SLC9C1: variants seen among roughly 807,000 people sequenced by gnomAD.
SLC9C1 encodes the protein solute carrier family 9 member C1, also known as sodium/hydrogen exchanger 10.
A neutral mutation model predicts 140.9 loss-of-function variants in SLC9C1; 97 were observed. The observed-to-expected ratio is 0.69, with a 90% CI of 0.58 to 0.82. SLC9C1 has a LOEUF of 0.82. Ranked by LOEUF, SLC9C1 falls within the 40% of genes least tolerant of loss-of-function variation. The probability of loss-of-function intolerance (pLI) is 0.00; values close to 1 mark genes in which losing one functional copy is unlikely to be tolerated. For synonymous variants in SLC9C1, 440 were observed against 442.6 expected (o/e 0.99, Z 0.07); for missense variants, 1,340 against 1,389.3 (o/e 0.96, Z 0.56).
At position 112,275,142 on chromosome 3, in the gene SLC9C1, G is replaced by C. The variant is rs2080181433; in HGVS notation, c.485-117C>G. ...GGATGGTCTTAGCTATGGATTTACT[G>C]TAAGTTAAGTTTAGACAATCATAAT... is the stretch of plus-strand genomic sequence containing the variant. On this transcript the variant is annotated intron_variant, in intron 5 of 28. Coordinates refer to ENST00000305815, the MANE Select transcript of SLC9C1 (RefSeq NM_183061.3). The C allele has an allele frequency of 2.8e-6, 3 of 1,056,540 alleles. No homozygotes were observed. In the East Asian group the frequency reaches 1.0e-4, roughly 37 times the overall value. The allele number at this position is 1,056,540 out of a possible 1,614,324, so 65.4% of individuals were successfully genotyped here.
intron 23 of SLC9C1, among the ~76,000 whole-genome samples, chr3:112,175,765 C>G (rs1019861628): frequency 6.6e-6 from 1 of 152,202 alleles, no homozygotes; most frequent in Non-Finnish European, 1.5e-5. Context: ...AGGGACTGCT[C>G]TAGTCCCTCA....
At chr3:112,283,477 T>TAA (rs200690332) in intron 2 of SLC9C1, among the ~76,000 whole-genome samples, 853 of 80,530 alleles carry the variant, frequency 0.011, 12 homozygotes, top group African/African-American at 0.032. Context: ...ACCCTATCTC[T>TAA]AAAAAAAAAA....
At chr3:112,287,855 G>A (rs1292509197) in intron 1 of SLC9C1, among the ~76,000 whole-genome samples, 3 of 151,934 alleles carry the variant, frequency 2.0e-5, no homozygotes, top group Non-Finnish European at 4.4e-5. Flanking sequence ...AGACCATCCT[G>A]GTATGGTGAA....
chr3:112,230,875 G>C (rs551668568), intron 13 of SLC9C1, among the ~76,000 whole-genome samples: 3 of 152,204 alleles, frequency 2.0e-5, no homozygotes, highest in Admixed American at 2.0e-4. Flanking sequence ...GCTAATATTT[G>C]AATGAAAACA....
intron 28 of SLC9C1, among the ~76,000 whole-genome samples, chr3:112,142,673 G>T (rs745999620): frequency 5.9e-5 from 9 of 152,108 alleles, no homozygotes; most frequent in Non-Finnish European, 1.2e-4. Flanking sequence ...ACAAAAAAGA[G>T]AATATCTTCT....
intron 3 of SLC9C1, 93 bp downstream of exon 3, chr3:112,280,590 G>T (rs1279769838): frequency 2.0e-6 from 2 of 982,276 alleles, no homozygotes; most frequent in Non-Finnish European, 3.0e-6. Flanking sequence ...AGAACAGTGA[G>T]GGGATGAATA....
At chr3:112,197,421 A>G (rs939499119) in intron 20 of SLC9C1, among the ~76,000 whole-genome samples, 2 of 152,132 alleles carry the variant, frequency 1.3e-5, no homozygotes, top group African/African-American at 4.8e-5. Flanking sequence ...GTACAGATGC[A>G]AGATATTTAG....
chr3:112,215,679 C>A (rs1036481926), intron 15 of SLC9C1, among the ~76,000 whole-genome samples: 1 of 152,190 alleles, frequency 6.6e-6, no homozygotes, highest in Non-Finnish European at 1.5e-5. Context: ...AGAAGAACTA[C>A]AAACCACTGC....
chr3:112,277,907 C>A (rs567941601), intron 4 of SLC9C1, 47 bp from the exon 5 acceptor site: 2 of 1,452,044 alleles, frequency 1.4e-6, no homozygotes, highest in South Asian at 1.3e-5. Context: ...CTTTTGTAGT[C>A]CATTTTAAGA....
chr3:112,219,914 A>G (rs1338293038), intron 14 of SLC9C1, among the ~76,000 whole-genome samples: 1 of 152,156 alleles, frequency 6.6e-6, no homozygotes, highest in Non-Finnish European at 1.5e-5. Flanking sequence ...AAATATATTA[A>G]TGATGCTTTT....
At chr3:112,271,404 T>C (rs1456676351) in intron 6 of SLC9C1, among the ~76,000 whole-genome samples, 3 of 149,166 alleles carry the variant, frequency 2.0e-5, no homozygotes, top group African/African-American at 7.3e-5. Context: ...TATATATATA[T>C]ATATATCAAA....
chr3:112,286,028 T>C (rs1324506793), intron 2 of SLC9C1, among the ~76,000 whole-genome samples: 1 of 152,196 alleles, frequency 6.6e-6, no homozygotes, highest in Admixed American at 6.5e-5. Context: ...CCTCCCAAAG[T>C]GTTAGTATTA....
chr3:112,152,665 A>G (rs1314807335), intron 27 of SLC9C1, among the ~76,000 whole-genome samples: 2 of 152,172 alleles, frequency 1.3e-5, no homozygotes, highest in African/African-American at 2.4e-5. Context: ...AACCTTGGAC[A>G]ATACCCAGGC....
intron 10 of SLC9C1, among the ~76,000 whole-genome samples, chr3:112,255,035 C>T (rs1416989394): frequency 6.6e-6 from 1 of 152,124 alleles, no homozygotes; most frequent in Non-Finnish European, 1.5e-5. Flanking sequence ...GAAGACCTAA[C>T]TATACTAAAT....
At chr3:112,278,650 GA>G (rs1235103977) in intron 4 of SLC9C1, 78 bp downstream of exon 4, 3 of 1,449,394 alleles carry the variant, frequency 2.1e-6, no homozygotes, top group Admixed American at 2.5e-5. Flanking sequence ...CCCTATTTTG[GA>G]AAAAAATATT....
At chr3:112,206,832 G>A (rs1194481020) in intron 16 of SLC9C1, among the ~76,000 whole-genome samples, 4 of 136,432 alleles carry the variant, frequency 2.9e-5, no homozygotes, top group Non-Finnish European at 4.7e-5. Flanking sequence ...ATCACACACC[G>A]GATCCTGTCG....
intron 10 of SLC9C1, among the ~76,000 whole-genome samples, chr3:112,257,811 G>A (rs1217868883): frequency 3.9e-5 from 6 of 152,092 alleles, no homozygotes; most frequent in African/African-American, 1.4e-4. Flanking sequence ...TCTGACAAAG[G>A]TCTAATATCC....
At chr3:112,141,893 T>A (rs2074635990) in intron 28 of SLC9C1, among the ~76,000 whole-genome samples, 1 of 152,194 alleles carries the variant, frequency 6.6e-6, no homozygotes, top group South Asian at 2.1e-4. Context: ...GTATGTTGCA[T>A]ATTTTGCCTT....
chr3:112,207,034 T>C (rs1314756736), intron 16 of SLC9C1, among the ~76,000 whole-genome samples: 4 of 152,136 alleles, frequency 2.6e-5, no homozygotes, highest in African/African-American at 9.7e-5. Context: ...AAAGTATATA[T>C]TTATACTAGT....
Sources: gnomAD v4.1 joint callset for allele counts (sites outside exome capture counted in the v4.1 genomes callset) on GRCh38, gnomAD v4.1.1 for gene constraint, MANE v1.5 for transcripts, NCBI Gene and HGNC (gene_info 2026-07-23, HGNC 2026-07-21) for gene names.